RTEL1: variants seen among roughly 807,000 people sequenced by gnomAD.
The protein encoded by RTEL1 is regulator of telomere length.
Under a neutral mutation model 162.2 loss-of-function variants are expected in RTEL1, and 86 were observed. The ratio of observed to expected loss-of-function variants is 0.53; its 90% CI spans 0.45 to 0.63. The LOEUF (loss-of-function observed/expected upper bound fraction) is 0.63, where lower values mean the gene tolerates loss of function less well. Ranked by LOEUF, RTEL1 falls within the 30% of genes least tolerant of loss-of-function variation. The pLI is 0.00. For missense variants in RTEL1, 1,941 were observed against 1,750.2 expected (o/e 1.11, Z -1.95); for synonymous variants, 958 against 717.9 (o/e 1.33, Z -5.35).
intron 26 of RTEL1, 70 bp from the exon 27 acceptor site, chr20:63,690,735 C>A (rs1290324838): frequency 6.7e-7 from 1 of 1,497,408 alleles, no homozygotes; most frequent in African/African-American, 1.4e-5. Flanking sequence ...CCAAGAGGGG[C>A]TTTGCCACAG....
chr20:63,690,781 C>G (rs1419591500), intron 26 of RTEL1, 24 bp from the exon 27 acceptor site: 3 of 1,587,332 alleles, frequency 1.9e-6, no homozygotes, highest in African/African-American at 1.3e-5. Context: ...GTGGGCTTCA[C>G]TGCGCACTCG....
At chr20:63,663,870 C>T (rs2090070188) in intron 6 of RTEL1, among the ~76,000 whole-genome samples, 1 of 152,192 alleles carries the variant, frequency 6.6e-6, no homozygotes, top group Non-Finnish European at 1.5e-5. Context: ...GCGGCGCTCC[C>T]CTGGCAGAGA....
rs1029987911 is a variant in RTEL1 at position 63,694,001 on chromosome 20, CTG to C, written c.2993-367_2993-366del. On this transcript the variant is annotated intron_variant, in intron 30 of 34. Coordinates refer to ENST00000360203, the MANE Select transcript of RTEL1 (RefSeq NM_001283009.2). ...TCCAAGTCTCCAGAGGCGGAAGCAT[CTG>C]TGTTCGTGTGTTAATGAACAGCCCC... 4.0e-5 allele frequency among the ~76,000 whole-genome samples: 6 copies of C among 151,794 alleles called. No individual in the cohort carries two copies. In the South Asian group the frequency reaches 1.0e-3, roughly 26 times the overall value.
rs769261916 is a variant in RTEL1 at position 63,690,079 on chromosome 20, C to A, written c.2142-8C>A. The A allele has an allele frequency of 6.2e-7, 1 of 1,609,172 alleles. No individual in the cohort carries two copies. Among genetic ancestry groups the A allele is most frequent in the Admixed American group, 1.7e-5 (1 of 59,954 alleles). On this transcript the variant is annotated splice_polypyrimidine_tract_variant and splice_region_variant and intron_variant, in intron 24 of 34. Transcript: ENST00000360203. ...GGGCAGGGCAGCAGGGCTATGGCCA[C>A]CCCCCAGGTTCGCCTTTGCCGACGC... is the stretch of plus-strand genomic sequence containing the variant.
At chr20:63,677,585 C>T (rs1242397794) in intron 10 of RTEL1, among the ~76,000 whole-genome samples, 1 of 152,186 alleles carries the variant, frequency 6.6e-6, no homozygotes. Flanking sequence ...TGCACCCCTG[C>T]CTGGGTGACA....
At chr20:63,686,000 C>A in intron 16 of RTEL1, 128 bp downstream of exon 16, 1 of 778,952 alleles carries the variant, frequency 1.3e-6, no homozygotes, top group Non-Finnish European at 2.2e-6. Context: ...TTCTCCATAT[C>A]CAGGCCAATC....
Position 63,695,374 on chromosome 20 carries a change from G to C in RTEL1, c.3546G>C (p.Ser1182=), listed in dbSNP as rs774018403. The C allele has an allele frequency of 1.9e-6, 3 of 1,548,534 alleles. 1 individual carries two copies. Among genetic ancestry groups the C allele is most frequent in the South Asian group, 2.5e-5 (2 of 80,912 alleles). ...CCGGGAAGACCCAGAGCAAGATCTC[G>C]TCCTTCCTTAGACAGAGGCCAGCAG... ...EKTGKTQSKI[S]SFLRQRPAGT... The change falls in exon 34 of 35, where the codon TCG becomes TCC. Residue 1182 remains serine, a synonymous_variant. Transcript: ENST00000360203.
intron 8 of RTEL1, among the ~76,000 whole-genome samples, chr20:63,671,743 G>A (rs950276186): frequency 3.3e-5 from 5 of 150,616 alleles, no homozygotes; most frequent in African/African-American, 4.9e-5. Flanking sequence ...CGCCTGCCTC[G>A]GCCTCCGAAA....
At chr20:63,687,502 AGT>A in intron 16 of RTEL1, 134 bp from the exon 17 acceptor site, 2 of 1,008,504 alleles carry the variant, frequency 2.0e-6, no homozygotes, top group East Asian at 2.6e-5. Context: ...ACTTCTGCAC[AGT>A]GGGCCTGGGT....
At chr20:63,673,863 C>A in intron 9 of RTEL1, 77 bp from the exon 10 acceptor site, 2 of 1,503,362 alleles carry the variant, frequency 1.3e-6, no homozygotes, top group Non-Finnish European at 1.8e-6. Context: ...GCCTTCTGCA[C>A]CCCCACCCCA....
rs973064119 is a variant in RTEL1, at chr20:63,659,387, C to T, written c.-16C>T. 3.1e-6 allele frequency: 5 copies of T among 1,603,510 alleles called. No individual in the cohort carries two copies. The African/African-American group carries it at 5.4e-5, about 17-fold the overall frequency. On this transcript the variant is annotated 5_prime_UTR_variant, in exon 2 of 35. Transcript: ENST00000360203. ...CCCCTCAGCCACGCTCTGTGCCCTT[C>T]TGAGAACAGGCTGATATGCCCAAGA...
Position 63,667,570 on chromosome 20 carries a change from G to GTAGC in RTEL1, c.699+19_699+22dup. The GTAGC allele has an allele frequency of 6.2e-7, 1 of 1,600,840 alleles. No individual in the cohort carries two copies. Among genetic ancestry groups the GTAGC allele is most frequent in the Non-Finnish European group, 8.6e-7 (1 of 1,168,162 alleles). The stretch of plus-strand genomic sequence containing the variant: ...GATGCCAAGGTGGGGGCTCAGTCCT[G>GTAGC]TAGCTGACGACTCCTGATGTCCAGG... On this transcript the variant is annotated intron_variant, in intron 8 of 34. Transcript: ENST00000360203.
At position 63,694,466 on chromosome 20, in the gene RTEL1, G is replaced by A. The variant is rs753147923; in HGVS notation, c.3087G>A (p.Leu1029=). Residue 1029 remains leucine (L), a synonymous_variant, in exon 31 of 35, where the codon CTG becomes CTA. Transcript: ENST00000360203. The part of the protein sequence containing the change: ...QEHLNQGRPH[L]SPRPPPTGDP... ...ACCTGAACCAGGGCAGGCCCCACCT[G>A]TCGCCCAGGCCACCCCCAACAGGTA... is the stretch of plus-strand genomic sequence containing the variant. 8.7e-6 allele frequency: 14 copies of A among 1,603,102 alleles called. No homozygotes were observed. The East Asian group carries it at 2.7e-4, about 31-fold the overall frequency.
chr20:63,659,462 C>T lies in RTEL1; in HGVS notation c.60C>T (p.Cys20=). ...TVDFPFQPYK[C]QQEYMTKVLE... is the part of the protein sequence containing the mutation. ...ACTTCCCTTTCCAGCCCTACAAATG[C>T]CAACAGGAGTACATGACCAAGGTCC... The change falls in exon 2 of 35, where the codon TGC becomes TGT. Residue 20 remains cysteine (C), a synonymous_variant. Transcript: ENST00000360203. The T allele has an allele frequency of 6.2e-7, 1 of 1,614,146 alleles. No individual in the cohort carries two copies.
At position 63,690,944 on chromosome 20, in the gene RTEL1, G is replaced by C; in HGVS notation, c.2553G>C (p.Glu851Asp). The C allele has an allele frequency of 6.5e-7, 1 of 1,549,454 alleles. No individual in the cohort carries two copies. The change falls in exon 27 of 35, where the codon GAG (glutamate) becomes GAC (aspartate). Residue 851 changes from glutamate (E) to aspartate (D), a missense_variant. Coordinates refer to ENST00000360203, the MANE Select transcript of RTEL1 (RefSeq NM_001283009.2). ...SEQRAGSPGEEQAHSCSTLSL... is the reference protein window; with the variant it reads ...SEQRAGSPGEDQAHSCSTLSL... The stretch of plus-strand genomic sequence containing the variant: ...AGCGGGCGGGGAGCCCTGGCGAGGA[G>C]CAGGTACAGTTCCAGGGCCTTGGGA...
intron 21 of RTEL1, 102 bp from the exon 22 acceptor site, chr20:63,688,951 TAG>T: frequency 9.5e-7 from 1 of 1,057,532 alleles, no homozygotes; most frequent in Non-Finnish European, 1.4e-6. Context: ...CCTTCCTGGC[TAG>T]GACGATCCTT....
rs1009845917 is a variant in RTEL1 at position 63,688,693 on chromosome 20, G to C, written c.1800+88G>C. Reference sequence around the variant, plus strand: ...TTCCCCAAGGCTGACCACTGGCCCTGACCATGGGCTCCGGCGGCTCCCGCT... The same window carrying C: ...TTCCCCAAGGCTGACCACTGGCCCTCACCATGGGCTCCGGCGGCTCCCGCT... On this transcript the variant is annotated intron_variant, in intron 21 of 34. Transcript: ENST00000360203. 4 of 1,267,556 alleles carry C rather than the reference G, an allele frequency of 3.2e-6. No homozygotes were observed. The African/African-American group carries it at 5.9e-5, about 19-fold the overall frequency. 78.5% of individuals were successfully genotyped at this position (1,267,556 alleles called of 1,614,324 possible). A position where few individuals can be genotyped will look rare whatever the true frequency, so the allele number is the denominator to read the frequency against.
chr20:63,692,989 A>G lies in RTEL1; in HGVS notation c.2837A>G (p.His946Arg). 1 of 1,612,584 alleles carries G rather than the reference A, an allele frequency of 6.2e-7. No homozygotes were observed. The highest frequency in any genetic ancestry group is 1.7e-4 in the Middle Eastern group (1 of 6,056). ...CTCTTTGCTGAGGACCCCAAGAAGC[A>G]CAACCTGCTCCAAGGTGCCCTGGCT... ...GPLFAEDPKK[H>R]NLLQGFYQFV... is the part of the protein sequence containing the mutation. Residue 946 changes from histidine to arginine, a missense_variant, in exon 29 of 35, where the codon CAC (histidine) becomes CGC (arginine). Physicochemically the swap from His to Arg is conservative, Grantham distance 29 (BLOSUM62 0). Transcript: ENST00000360203.
intron 31 of RTEL1, 125 bp from the exon 32 acceptor site, chr20:63,694,616 G>A (rs114223294): frequency 9.8e-5 from 119 of 1,210,290 alleles, no homozygotes; most frequent in Non-Finnish European, 1.2e-4. Context: ...GACTGCTCCC[G>A]GTTCTGCACC....
Sources: gnomAD v4.1 joint callset for allele counts (sites outside exome capture counted in the v4.1 genomes callset) on GRCh38, gnomAD v4.1.1 for gene constraint, MANE v1.5 for transcripts, NCBI Gene and HGNC (gene_info 2026-07-23, HGNC 2026-07-21) for gene names.